Variants in SENP6 observed in about 807,000 individuals in gnomAD.
SENP6 encodes the protein SUMO specific peptidase 6, also known as sentrin-specific protease 6.
SENP6 carries 41 observed loss-of-function variants against 134.5 expected under a neutral mutation model. That is an observed-to-expected ratio of 0.30 (90% CI 0.24 to 0.40). SENP6 has a LOEUF of 0.40. Among genes scored for constraint, SENP6 ranks in the 10% least tolerant of loss-of-function variants. The pLI, the probability that SENP6 is intolerant of heterozygous loss-of-function variation, is 1.00. For missense variants in SENP6, 1,248 were observed against 1,312.5 expected (o/e 0.95, Z 0.76); for synonymous variants, 395 against 429.8 (o/e 0.92, Z 1.00).
intron 5 of SENP6, among the ~76,000 whole-genome samples, chr6:75,636,500 A>G (rs372050433): frequency 2.6e-4 from 40 of 152,324 alleles, no homozygotes; most frequent in African/African-American, 8.9e-4. Context: ...AGGTGCATAA[A>G]GATGAATATG....
intron 21 of SENP6, among the ~76,000 whole-genome samples, chr6:75,712,414 C>A (rs1775800526): frequency 6.6e-6 from 1 of 152,030 alleles, no homozygotes; most frequent in Non-Finnish European, 1.5e-5. Flanking sequence ...CACAGTGGGT[C>A]ACACTTTGTG....
At chr6:75,668,868 T>C (rs1335461346) in intron 10 of SENP6, among the ~76,000 whole-genome samples, 1 of 152,220 alleles carries the variant, frequency 6.6e-6, no homozygotes, top group Non-Finnish European at 1.5e-5. Context: ...GTGTACTGTC[T>C]TTGATGATGC....
chr6:75,706,673 T>C (rs1159688963), intron 19 of SENP6, among the ~76,000 whole-genome samples: 3 of 150,970 alleles, frequency 2.0e-5, no homozygotes, highest in African/African-American at 7.2e-5. Flanking sequence ...CATTTTTGTT[T>C]TGTTTTTAGT....
chr6:75,717,961 A>G lies in SENP6; in HGVS notation c.*2367A>G, dbSNP rs1389921353. 6.6e-6 allele frequency: 1 copy of G among 152,216 alleles called. No individual in the cohort carries two copies. The highest frequency in any genetic ancestry group is 1.5e-5 in the Non-Finnish European group (1 of 68,012). 9.4% of individuals were successfully genotyped at this position (152,216 alleles called of 1,614,324 possible). A position where few individuals can be genotyped will look rare whatever the true frequency, so the allele number is the denominator to read the frequency against. ...CCCGTTAATGTTGCTGTGCTACTTC[A>G]GACAGCTGAAAACTTAATGGTATTA... is the stretch of plus-strand genomic sequence containing the variant. On this transcript the variant is annotated 3_prime_UTR_variant, in exon 24 of 24. Coordinates refer to ENST00000447266, the MANE Select transcript of SENP6 (RefSeq NM_015571.4).
intron 1 of SENP6, chr6:75,611,336 A>C (rs1767434129): frequency 6.6e-6 from 1 of 152,352 alleles, no homozygotes; most frequent in South Asian, 2.1e-4. Context: ...TTAGTAAATC[A>C]TAATAGCAGT....
rs2149911765 is a variant in SENP6, at chr6:75,717,569, T to A, written c.*1975T>A. 1 of 152,232 alleles carries A rather than the reference T, an allele frequency of 6.6e-6. No homozygotes were observed. The highest frequency in any genetic ancestry group is 1.5e-5 in the Non-Finnish European group (1 of 67,954). The allele number at this position is 152,232 out of a possible 1,614,324, so 9.4% of individuals were successfully genotyped here. A position where few individuals can be genotyped will look rare whatever the true frequency, so the allele number is the denominator to read the frequency against. ...GGAAGTTATGCTAGTGACATTGCAA[T>A]ATATATTGAAATCTTCGGAGGCTGC... On this transcript the variant is annotated 3_prime_UTR_variant, in exon 24 of 24. Transcript: ENST00000447266.
rs545162676 is a variant in SENP6 at position 75,630,580 on chromosome 6, A to G, written c.208-3001A>G. On this transcript the variant is annotated intron_variant, in intron 3 of 23. Transcript: ENST00000447266. Reference sequence around the variant, plus strand: ...AGGTCCATATGGATCATTGGTTTAAACTATTATAGACTGGTTTCTCCATTT... The same window carrying G: ...AGGTCCATATGGATCATTGGTTTAAGCTATTATAGACTGGTTTCTCCATTT... 1.6e-3 allele frequency among the ~76,000 whole-genome samples: 251 copies of G among 152,266 alleles called. 1 individual carries two copies. The highest frequency in any genetic ancestry group is 2.9e-3 in the Non-Finnish European group (195 of 68,018).
intron 3 of SENP6, 73 bp from the exon 4 acceptor site, chr6:75,633,508 G>T: frequency 7.8e-7 from 1 of 1,289,332 alleles, no homozygotes; most frequent in Non-Finnish European, 1.1e-6. Context: ...CTTTTAAATG[G>T]TTTTCAAATA....
At chr6:75,651,466 C>T (rs1770857933) in intron 7 of SENP6, among the ~76,000 whole-genome samples, 1 of 152,082 alleles carries the variant, frequency 6.6e-6, no homozygotes, top group African/African-American at 2.4e-5. Context: ...ATCATTCTCC[C>T]ACCTCCACCA....
chr6:75,696,361 C>A (rs974481128), intron 17 of SENP6, among the ~76,000 whole-genome samples: 10 of 152,170 alleles, frequency 6.6e-5, no homozygotes, highest in Non-Finnish European at 1.3e-4. Context: ...CTGTTTTATC[C>A]TAGATGTTCA....
At chr6:75,648,730 T>C (rs992673582) in intron 7 of SENP6, among the ~76,000 whole-genome samples, 2 of 152,236 alleles carry the variant, frequency 1.3e-5, no homozygotes, top group Admixed American at 6.5e-5. Flanking sequence ...TATTCTGTTA[T>C]ACCTTAAATG....
intron 19 of SENP6, among the ~76,000 whole-genome samples, chr6:75,708,084 G>C (rs1775523417): frequency 6.6e-6 from 1 of 152,078 alleles, no homozygotes; most frequent in African/African-American, 2.4e-5. Flanking sequence ...TTTTGAGACA[G>C]AGTCTTGCTC....
chr6:75,714,083 G>A (rs937309933), intron 23 of SENP6, among the ~76,000 whole-genome samples: 3 of 152,070 alleles, frequency 2.0e-5, no homozygotes, highest in African/African-American at 7.2e-5. Flanking sequence ...ACTAGCTCTT[G>A]CCACCTTAAG....
At chr6:75,696,714 G>A (rs1343760766) in intron 17 of SENP6, among the ~76,000 whole-genome samples, 5 of 152,092 alleles carry the variant, frequency 3.3e-5, no homozygotes, top group Non-Finnish European at 5.9e-5. Context: ...TGGGCTCAAG[G>A]AATCTGCTCA....
intron 20 of SENP6, 116 bp downstream of exon 20, chr6:75,709,746 G>A: frequency 1.6e-6 from 1 of 610,768 alleles, no homozygotes. Context: ...AAGGCAGAAA[G>A]ATCTCTTGAG....
chr6:75,651,235 TAGAG>T (rs762215044), intron 7 of SENP6, among the ~76,000 whole-genome samples: 3 of 152,296 alleles, frequency 2.0e-5, no homozygotes, highest in African/African-American at 4.8e-5. Context: ...GTATCCTTGT[TAGAG>T]AGAACAGACA....
At position 75,711,434 on chromosome 6, in the gene SENP6, A is replaced by G; in HGVS notation, c.2909+18A>G. 1.3e-6 allele frequency: 2 copies of G among 1,524,008 alleles called. No homozygotes were observed. Among genetic ancestry groups the G allele is most frequent in the Non-Finnish European group, 1.8e-6 (2 of 1,110,248 alleles). 94.4% of individuals were successfully genotyped at this position (1,524,008 alleles called of 1,614,324 possible). On this transcript the variant is annotated intron_variant, in intron 21 of 23. Transcript: ENST00000447266. ...TGTAAACAGTAAGCATTAACTGTGT[A>G]TCTTGAAAACTACATAATTTTTAAG...
At position 75,656,726 on chromosome 6, in the gene SENP6, C is replaced by G. The variant is rs141741934; in HGVS notation, c.551-2536C>G. ...CTATCAATCATTTACCATTTCTCCT[C>G]ATGACATTGGTTTCAAAAGTCTCAG... On this transcript the variant is annotated intron_variant, in intron 7 of 23. Coordinates refer to ENST00000447266, the MANE Select transcript of SENP6 (RefSeq NM_015571.4). Among the ~76,000 whole-genome samples the G allele has an allele frequency of 1.9e-3, 293 of 152,272 alleles. 2 individuals are homozygous for G. Among genetic ancestry groups the G allele is most frequent in the African/African-American group, 6.5e-3 (271 of 41,574 alleles).
chr6:75,652,904 A>T (rs1184511136), intron 7 of SENP6, among the ~76,000 whole-genome samples: 2 of 151,870 alleles, frequency 1.3e-5, no homozygotes, highest in South Asian at 2.1e-4. Context: ...GGCCATTTGA[A>T]TTTATTTTAT....
Sources: gnomAD v4.1 joint callset for allele counts (sites outside exome capture counted in the v4.1 genomes callset) on GRCh38, gnomAD v4.1.1 for gene constraint, MANE v1.5 for transcripts, NCBI Gene and HGNC (gene_info 2026-07-23, HGNC 2026-07-21) for gene names.